Variants in INO80 observed in about 807,000 individuals in gnomAD.
The protein encoded by INO80 is INO80 complex ATPase subunit, also known as chromatin-remodeling ATPase INO80.
In INO80, 20 loss-of-function variants were observed where a neutral mutation model predicts 203.4. The ratio of observed to expected loss-of-function variants is 0.10; its 90% confidence interval spans 0.07 to 0.14. INO80 has a LOEUF of 0.14. Ranked by LOEUF, INO80 falls within the 10% of genes least tolerant of loss-of-function variation. The pLI is 1.00. For synonymous variants in INO80, 726 were observed against 685.2 expected (o/e 1.06, Z -0.93); for missense variants, 1,419 against 1,914.4 (o/e 0.74, Z 4.83).
intron 17 of INO80, among the ~76,000 whole-genome samples, chr15:41,056,014 G>A (rs1187869666): frequency 7.1e-6 from 1 of 141,638 alleles, no homozygotes; most frequent in African/African-American, 2.6e-5. Context: ...GCACAATCTC[G>A]GCTCATTGTA....
chr15:41,103,627 G>C (rs1383716643), intron 1 of INO80, among the ~76,000 whole-genome samples: 1 of 152,250 alleles, frequency 6.6e-6, no homozygotes, highest in East Asian at 1.9e-4. Context: ...CTGAACTCAA[G>C]TGATCCACCT....
At chr15:40,991,172 A>G (rs973126914) in intron 29 of INO80, among the ~76,000 whole-genome samples, 11 of 152,188 alleles carry the variant, frequency 7.2e-5, no homozygotes, top group African/African-American at 2.7e-4. Context: ...GCCTAAGGAG[A>G]TGGGTTTACA....
rs140031765 is a variant in INO80, at chr15:41,108,796, A to G, written c.-44+7177T>C. ...TCATTTATATCTAACAACACTATAA[A>G]GTAGACACTGATAGAGCAGGACGTC... On this transcript the variant is annotated intron_variant, in intron 1 of 35. Transcript: ENST00000648947. 2.6e-5 allele frequency: 4 copies of G among 152,368 alleles called. No individual in the cohort carries two copies. In the East Asian group the frequency reaches 7.7e-4, roughly 29 times the overall value. The allele number at this position is 152,368 out of a possible 1,614,324, so 9.4% of individuals were successfully genotyped here. A position where few individuals can be genotyped will look rare whatever the true frequency, so the allele number is the denominator to read the frequency against.
chr15:41,022,252 A>G (rs1831676730), intron 25 of INO80, among the ~76,000 whole-genome samples: 1 of 152,252 alleles, frequency 6.6e-6, no homozygotes, highest in African/African-American at 2.4e-5. Context: ...GCCACAGCAC[A>G]GGAGAGATCA....
chr15:41,064,112 A>G (rs1353708596), intron 14 of INO80, among the ~76,000 whole-genome samples: 1 of 152,232 alleles, frequency 6.6e-6, no homozygotes, highest in Non-Finnish European at 1.5e-5. Context: ...CAGTAAAGAC[A>G]TGAAAGAGCT....
intron 24 of INO80, among the ~76,000 whole-genome samples, chr15:41,039,235 CTAAAGTA>C (rs2044630827): frequency 1.3e-5 from 2 of 152,208 alleles, no homozygotes; most frequent in Admixed American, 6.5e-5. Flanking sequence ...CCTCAGCCTC[CTAAAGTA>C]CTGAGATTAA....
At chr15:40,991,571 T>C (rs1312988984) in intron 29 of INO80, among the ~76,000 whole-genome samples, 2 of 151,806 alleles carry the variant, frequency 1.3e-5, no homozygotes, top group Non-Finnish European at 2.9e-5. Context: ...TAGGAAAGAT[T>C]AAGGCAAGTC....
At chr15:41,090,271 A>C (rs567854831) in intron 5 of INO80, among the ~76,000 whole-genome samples, 3 of 152,184 alleles carry the variant, frequency 2.0e-5, no homozygotes, top group Non-Finnish European at 2.9e-5. Context: ...GAATGGGCAC[A>C]TTTATAGAAA....
intron 1 of INO80, among the ~76,000 whole-genome samples, chr15:41,114,506 C>T (rs993490058): frequency 1.3e-5 from 2 of 151,964 alleles, no homozygotes; most frequent in African/African-American, 2.4e-5. Context: ...GTCAGGAGTT[C>T]GAGACCGGCC....
In INO80 at chr15:41,048,266, C is replaced by A. The variant is rs763268099; in HGVS notation, c.2587G>T (p.Val863Phe). 5.0e-6 allele frequency: 8 copies of A among 1,611,746 alleles called. No individual in the cohort carries two copies. In the South Asian group the frequency reaches 8.8e-5, roughly 18 times the overall value. ...TAGTCTGGTGCAAATGGAGAAAGAACCCTTAACCACCTGCAAAGTAAGTAA... is the reference window on the plus strand; with the variant it reads ...TAGTCTGGTGCAAATGGAGAAAGAAACCTTAACCACCTGCAAAGTAAGTAA... ...FNHSRDRWLR[V>F]LSPFAPDYIQ... The change falls in exon 22 of 36, where the codon GTT becomes TTT. Residue 863 changes from valine (V) to phenylalanine (F), a missense_variant. Val to Phe is a conservative substitution (Grantham distance 50). Coordinates refer to ENST00000648947, the MANE Select transcript of INO80 (RefSeq NM_017553.3).
chr15:41,098,689 C>G (rs2140675151), intron 1 of INO80, among the ~76,000 whole-genome samples: 1 of 152,102 alleles, frequency 6.6e-6, no homozygotes, highest in East Asian at 1.9e-4. Flanking sequence ...AGACAAGCCA[C>G]AGACTAGAAG....
intron 27 of INO80, 98 bp downstream of exon 27, chr15:41,015,990 G>T: frequency 3.4e-6 from 3 of 895,288 alleles, no homozygotes; most frequent in Non-Finnish European, 5.1e-6. Flanking sequence ...AGGGAGTTTT[G>T]GGGCTCCCAT....
intron 25 of INO80, among the ~76,000 whole-genome samples, chr15:41,022,596 G>A (rs778796900): frequency 6.6e-6 from 1 of 152,162 alleles, no homozygotes; most frequent in Admixed American, 6.5e-5. Flanking sequence ...CAACGTGACA[G>A]AAAGAGCATC....
chr15:40,994,455 C>T (rs1041719332), intron 29 of INO80, among the ~76,000 whole-genome samples: 1 of 152,110 alleles, frequency 6.6e-6, no homozygotes, highest in African/African-American at 2.4e-5. Context: ...CCTCTGCCTC[C>T]CGGGTTCAAG....
intron 27 of INO80, among the ~76,000 whole-genome samples, chr15:41,010,570 C>T (rs1016517460): frequency 1.3e-5 from 2 of 152,076 alleles, no homozygotes; most frequent in African/African-American, 4.8e-5. Context: ...CATGGCTTAA[C>T]CCTCCTACTG....
intron 11 of INO80, 147 bp from the exon 12 acceptor site, chr15:41,072,205 T>A: frequency 1.8e-6 from 1 of 558,496 alleles, no homozygotes. Flanking sequence ...TATAACGTAG[T>A]ATCATATGAC....
At chr15:41,070,889 C>T (rs2045299461) in intron 12 of INO80, among the ~76,000 whole-genome samples, 1 of 152,200 alleles carries the variant, frequency 6.6e-6, no homozygotes, top group African/African-American at 2.4e-5. Flanking sequence ...AAAAAGACAT[C>T]AGCTGGGTGC....
In INO80 at chr15:41,021,043, A is replaced by G; in HGVS notation, c.3131T>C (p.Leu1044Pro). The change falls in exon 26 of 36, where the codon CTG becomes CCG. Residue 1044 changes from leucine (L) to proline (P), a missense_variant. By Grantham distance (98) the Leu-to-Pro change is moderately conservative (BLOSUM62 -3). This residue lies in a region of INO80 where 302 missense variants were observed against 345.4 expected (regional missense o/e 0.87). Transcript: ENST00000648947. Reference sequence around the variant, plus strand: ...ATTCAACAAACACTGCTTGGCTGCCAGACTCCCTCCTTCCTTCAGAACTCG... The same window carrying G: ...ATTCAACAAACACTGCTTGGCTGCCGGACTCCCTCCTTCCTTCAGAACTCG... ...ERRVLKEGGS[L>P]AAKQCLLNGA... 6.2e-7 allele frequency: 1 copy of G among 1,614,198 alleles called. No homozygotes were observed. Among genetic ancestry groups the G allele is most frequent in the East Asian group, 2.2e-5 (1 of 44,886 alleles).
At chr15:40,996,574 T>A (rs1287698869) in intron 29 of INO80, among the ~76,000 whole-genome samples, 1 of 151,996 alleles carries the variant, frequency 6.6e-6, no homozygotes, top group Non-Finnish European at 1.5e-5. Context: ...TCCACCCGCC[T>A]TGGCCTCCCA....
Sources: gnomAD v4.1 joint callset for allele counts (sites outside exome capture counted in the v4.1 genomes callset) on GRCh38, gnomAD v4.1.1 for gene constraint, gnomAD v4.1.1 regional missense constraint, MANE v1.5 for transcripts, NCBI Gene and HGNC (gene_info 2026-07-23, HGNC 2026-07-21) for gene names.